NIPAL2: variants seen among roughly 807,000 people sequenced by gnomAD.
The protein encoded by NIPAL2 is NIPA-like protein 2.
Under a neutral mutation model 48.9 loss-of-function variants are expected in NIPAL2, and 43 were observed. The ratio of observed to expected loss-of-function variants is 0.88; its 90% CI spans 0.69 to 1.13. The LOEUF is 1.13. NIPAL2 is among the 50% of genes most tolerant of loss of function. The pLI, the probability that NIPAL2 is intolerant of heterozygous loss-of-function variation, is 0.00. For missense variants in NIPAL2, 446 were observed against 461.4 expected (o/e 0.97, Z 0.31); for synonymous variants, 167 against 174.6 (o/e 0.96, Z 0.34).
intron 1 of NIPAL2, among the ~76,000 whole-genome samples, chr8:98,288,610 C>T (rs369497751): frequency 0.011 from 1,678 of 150,188 alleles, 32 homozygotes; most frequent in African/African-American, 0.039. Flanking sequence ...CCTGAGGAAT[C>T]GCCACACTGA....
chr8:98,278,216 T>C (rs187534753), intron 1 of NIPAL2, among the ~76,000 whole-genome samples: 45 of 152,170 alleles, frequency 3.0e-4, no homozygotes, highest in Non-Finnish European at 4.7e-4. Flanking sequence ...ATTTTCTTTA[T>C]CATGGTTTTT....
At chr8:98,227,995 C>G (rs978126012) in intron 4 of NIPAL2, among the ~76,000 whole-genome samples, 1 of 152,252 alleles carries the variant, frequency 6.6e-6, no homozygotes, top group African/African-American at 2.4e-5. Context: ...TGGCCATCAG[C>G]TGAGCTCTAC....
At chr8:98,265,042 A>G (rs1225555780) in intron 1 of NIPAL2, among the ~76,000 whole-genome samples, 32 of 141,038 alleles carry the variant, frequency 2.3e-4, no homozygotes, top group Admixed American at 1.9e-3. Flanking sequence ...AGGATTCCCT[A>G]TTTAATAAAT....
chr8:98,208,410 TC>T (rs1487484405), intron 6 of NIPAL2, among the ~76,000 whole-genome samples: 1 of 152,164 alleles, frequency 6.6e-6, no homozygotes, highest in African/African-American at 2.4e-5. Flanking sequence ...GAGAAGGACT[TC>T]CTGGCCTTCC....
intron 3 of NIPAL2, among the ~76,000 whole-genome samples, chr8:98,236,700 A>G (rs1812732265): frequency 6.6e-6 from 1 of 151,720 alleles, no homozygotes; most frequent in East Asian, 1.9e-4. Flanking sequence ...AAAATACAAA[A>G]AATTAGTGGG....
intron 1 of NIPAL2, among the ~76,000 whole-genome samples, chr8:98,278,227 TG>T (rs1815598026): frequency 7.0e-6 from 1 of 143,450 alleles, no homozygotes; most frequent in Non-Finnish European, 1.6e-5. Flanking sequence ...CATGGTTTTT[TG>T]TTTGTTTGTT....
chr8:98,262,839 C>G (rs1312230685), intron 1 of NIPAL2, among the ~76,000 whole-genome samples: 1 of 152,030 alleles, frequency 6.6e-6, no homozygotes, highest in East Asian at 1.9e-4. Context: ...TTTTCAGCAC[C>G]GCACCACACC....
intron 1 of NIPAL2, among the ~76,000 whole-genome samples, chr8:98,260,497 G>A (rs905645251): frequency 3.3e-5 from 5 of 152,224 alleles, no homozygotes; most frequent in Admixed American, 1.3e-4. Flanking sequence ...TTCCCTTTCC[G>A]AGTCAAAGAA....
At chr8:98,293,894 G>A (rs1816624162) in intron 1 of NIPAL2, 109 bp downstream of exon 1, 1 of 1,034,874 alleles carries the variant, frequency 9.7e-7, no homozygotes, top group Middle Eastern at 3.4e-4. Context: ...GAGAGGCCGG[G>A]TGTCTTCCTG....
At chr8:98,283,488 A>C (rs963523210) in intron 1 of NIPAL2, among the ~76,000 whole-genome samples, 1 of 152,260 alleles carries the variant, frequency 6.6e-6, no homozygotes, top group East Asian at 1.9e-4. Context: ...CATGCTGAAC[A>C]CAAAGAATGC....
chr8:98,254,725 C>T (rs181771396), intron 1 of NIPAL2, among the ~76,000 whole-genome samples: 26 of 152,382 alleles, frequency 1.7e-4, no homozygotes, highest in African/African-American at 6.0e-4. Context: ...CAGCTCACCA[C>T]AATTAGTCCT....
intron 1 of NIPAL2, among the ~76,000 whole-genome samples, chr8:98,270,069 T>C (rs1417168046): frequency 2.6e-5 from 4 of 152,242 alleles, no homozygotes; most frequent in Non-Finnish European, 2.9e-5. Context: ...CCATATTTTC[T>C]TTATCCAGTC....
In NIPAL2 at chr8:98,230,951, G is replaced by A. The variant is rs117165652; in HGVS notation, c.436+5204C>T. 8.1e-3 allele frequency among the ~76,000 whole-genome samples: 1,234 copies of A among 152,238 alleles called. 12 individuals are homozygous for A. The highest frequency in any genetic ancestry group is 0.012 in the Non-Finnish European group (796 of 68,022). On this transcript the variant is annotated intron_variant, in intron 4 of 10. Coordinates refer to ENST00000430223, the MANE Select transcript of NIPAL2 (RefSeq NM_001321635.2). ...CCCATTTGCTGACTTCTGGAATCTG[G>A]TCTGACCTGACTTTTAGGAGCCTTA... is the stretch of plus-strand genomic sequence containing the variant.
At chr8:98,255,692 A>G (rs1282867332) in intron 1 of NIPAL2, among the ~76,000 whole-genome samples, 1 of 152,204 alleles carries the variant, frequency 6.6e-6, no homozygotes, top group African/African-American at 2.4e-5. Flanking sequence ...CCTCATGGGG[A>G]AACAATTGAG....
chr8:98,262,992 C>A, intron 1 of NIPAL2, among the ~76,000 whole-genome samples: 2 of 148,458 alleles, frequency 1.3e-5, no homozygotes, highest in African/African-American at 5.0e-5. Flanking sequence ...AACCGCTCAA[C>A]TACATGGAAA....
chr8:98,234,414 A>G (rs909166367), intron 4 of NIPAL2, among the ~76,000 whole-genome samples: 4 of 152,214 alleles, frequency 2.6e-5, no homozygotes, highest in Non-Finnish European at 5.9e-5. Flanking sequence ...TAATTTGATC[A>G]TTATTCAATC....
chr8:98,192,768 G>A lies in NIPAL2; in HGVS notation c.*210C>T. ...CACTAGGGAGAGGTCCAGGGTGTGG[G>A]GAACACTCCAAATCACATTCCATGG... is the stretch of plus-strand genomic sequence containing the variant. On this transcript the variant is annotated 3_prime_UTR_variant, in exon 11 of 11. Transcript: ENST00000430223. 1.7e-6 allele frequency: 1 copy of A among 581,310 alleles called. No homozygotes were observed. Among genetic ancestry groups the A allele is most frequent in the South Asian group, 2.1e-5 (1 of 46,620 alleles). 36.0% of individuals were successfully genotyped at this position (581,310 alleles called of 1,614,324 possible).
chr8:98,233,524 A>G (rs1812550502), intron 4 of NIPAL2, among the ~76,000 whole-genome samples: 1 of 152,186 alleles, frequency 6.6e-6, no homozygotes, highest in South Asian at 2.1e-4. Flanking sequence ...AAACTGTCTT[A>G]CATATTTGCC....
intron 8 of NIPAL2, among the ~76,000 whole-genome samples, chr8:98,198,934 G>GT (rs936852152): frequency 6.6e-6 from 1 of 150,776 alleles, no homozygotes; most frequent in East Asian, 1.9e-4. Flanking sequence ...CCTTCAAAAA[G>GT]TTTTTTTCTT....
Sources: allele counts gnomAD v4.1 joint callset (sites outside exome capture counted in the v4.1 genomes callset), GRCh38; gene constraint gnomAD v4.1.1; transcripts MANE v1.5; gene names NCBI Gene and HGNC (gene_info 2026-07-23, HGNC 2026-07-21).